MALSU1: variants seen among roughly 807,000 people sequenced by gnomAD.
The protein encoded by MALSU1 is mitochondrial assembly of ribosomal large subunit protein 1.
MALSU1 carries 22 observed loss-of-function variants against 22.1 expected under a neutral mutation model. That is an observed-to-expected ratio of 1.00 (90% CI 0.71 to 1.42). The LOEUF is 1.42. Ranked by LOEUF, MALSU1 falls within the 40% of genes most tolerant of loss-of-function variation. The probability of loss-of-function intolerance (pLI) is 0.00; values close to 1 mark genes in which losing one functional copy is unlikely to be tolerated. For missense variants in MALSU1, 379 were observed against 308.3 expected, an observed-to-expected ratio of 1.23 and a Z score of -1.72; for synonymous variants, 153 against 118.5, an observed-to-expected ratio of 1.29 and a Z score of -1.89.
chr7:23,302,451 C>T (rs1380374932), intron 2 of MALSU1, among the ~76,000 whole-genome samples: 3 of 152,130 alleles, frequency 2.0e-5, no homozygotes, highest in African/African-American at 7.2e-5. Flanking sequence ...GGGGCCTATA[C>T]ACAAAACCCT....
Position 23,309,688 on chromosome 7 carries a change from C to T in MALSU1, c.*145C>T. On this transcript the variant is annotated 3_prime_UTR_variant, in exon 4 of 4. Transcript: ENST00000466681. ...ATGGGCACTCCTGCTAACTGGCATG[C>T]AGAGACTGTCGATAAGTGAGCTATA... 1 of 566,418 alleles carries T rather than the reference C, an allele frequency of 1.8e-6. No homozygotes were observed. The highest frequency in any genetic ancestry group is 2.7e-5 in the South Asian group (1 of 36,818). The allele number at this position is 566,418 out of a possible 1,614,324, so 35.1% of individuals were successfully genotyped here.
chr7:23,300,841 C>G lies in MALSU1; in HGVS notation c.259C>G (p.His87Asp), dbSNP rs1486313156. The change falls in exon 2 of 4, where the codon CAT becomes GAT. Residue 87 changes from histidine to aspartate, a missense_variant and splice_region_variant. His to Asp is a moderately conservative substitution (Grantham distance 81). Transcript: ENST00000466681. ...EGRPESDAAD[H>D]TGPKFDIDMM... ...AAACAACTATTTGTGCATTTCAGAT[C>G]ATACTGGTCCCAAGTTTGACATCGA... 14 of 1,612,856 alleles carry G rather than the reference C, an allele frequency of 8.7e-6. No homozygotes were observed. Among genetic ancestry groups the G allele is most frequent in the Middle Eastern group, 1.6e-4 (1 of 6,078 alleles).
chr7:23,310,976 G>C lies in MALSU1; in HGVS notation c.*1433G>C, dbSNP rs1354301499. ...TGAGCAAATGAGTTCGTTATCAAAG[G>C]TCATATGTTTTCACAGTCATTCAAA... On this transcript the variant is annotated 3_prime_UTR_variant, in exon 4 of 4. Coordinates refer to ENST00000466681, the MANE Select transcript of MALSU1 (RefSeq NM_138446.2). The C allele has an allele frequency of 6.6e-6, 1 of 152,060 alleles. No homozygotes were observed. Among genetic ancestry groups the C allele is most frequent in the African/African-American group, 2.4e-5 (1 of 41,402 alleles). The allele number at this position is 152,060 out of a possible 1,614,324, so 9.4% of individuals were successfully genotyped here. A position where few individuals can be genotyped will look rare whatever the true frequency, so the allele number is the denominator to read the frequency against.
intron 2 of MALSU1, among the ~76,000 whole-genome samples, chr7:23,302,676 AAGAAAT>A (rs1238705366): frequency 3.9e-5 from 6 of 152,300 alleles, no homozygotes; most frequent in Non-Finnish European, 8.8e-5. Context: ...TGAAAGAATA[AAGAAAT>A]AGAAATTGCC....
At position 23,309,900 on chromosome 7, in the gene MALSU1, A is replaced by T. The variant is rs1275022678; in HGVS notation, c.*357A>T. ...CTGTTTGTTTAATGGAATGGCAAAA[A>T]TTTTAAAAAATAATATAAAACATAG... On this transcript the variant is annotated 3_prime_UTR_variant, in exon 4 of 4. Transcript: ENST00000466681. 1.3e-5 allele frequency: 2 copies of T among 155,376 alleles called. No homozygotes were observed. Among genetic ancestry groups the T allele is most frequent in the Non-Finnish European group, 2.8e-5 (2 of 70,292 alleles). The allele number at this position is 155,376 out of a possible 1,614,324, so 9.6% of individuals were successfully genotyped here. A position where few individuals can be genotyped will look rare whatever the true frequency, so the allele number is the denominator to read the frequency against.
chr7:23,299,382 G>C lies in MALSU1; in HGVS notation c.30G>C (p.Leu10=). ...GGCCGGGCGGCCGTGTGGCGCGGCT[G>C]CTCGCCCCACTAATGTGGCGCAGGG... MGPGGRVAR[L]LAPLMWRRAV... The change falls in exon 1 of 4, where the codon CTG becomes CTC. Residue 10 remains leucine, a synonymous_variant. Coordinates refer to ENST00000466681, the MANE Select transcript of MALSU1 (RefSeq NM_138446.2). 6.3e-7 allele frequency: 1 copy of C among 1,588,402 alleles called. No individual in the cohort carries two copies. Among genetic ancestry groups the C allele is most frequent in the East Asian group, 2.2e-5 (1 of 44,518 alleles).
intron 1 of MALSU1, among the ~76,000 whole-genome samples, chr7:23,299,841 T>C (rs149821): frequency 0.56 from 84,499 of 151,888 alleles, 23,572 homozygotes; most frequent in South Asian, 0.61. Context: ...CGGACGGCCA[T>C]CTCCCACCCT....
At position 23,309,439 on chromosome 7, in the gene MALSU1, G is replaced by A; in HGVS notation, c.601G>A (p.Asp201Asn). Residue 201 changes from aspartate to asparagine, a missense_variant, in exon 4 of 4, where the codon GAC (aspartate) becomes AAC (asparagine). Physicochemically the swap from Asp to Asn is conservative, Grantham distance 23 (BLOSUM62 1). Transcript: ENST00000466681. ...EKLWTLRSYDDQLAQIAPETV... is the reference protein window; with the variant it reads ...EKLWTLRSYDNQLAQIAPETV... Reference sequence around the variant, plus strand: ...ATTATGGACCCTACGTTCTTATGATGACCAGTTAGCTCAGATAGCACCTGA... The same window carrying A: ...ATTATGGACCCTACGTTCTTATGATAACCAGTTAGCTCAGATAGCACCTGA... 4 of 1,613,614 alleles carry A rather than the reference G, an allele frequency of 2.5e-6. No individual in the cohort carries two copies. Among genetic ancestry groups the A allele is most frequent in the Non-Finnish European group, 2.5e-6 (3 of 1,179,774 alleles).
intron 2 of MALSU1, among the ~76,000 whole-genome samples, chr7:23,306,281 A>G (rs374714204): frequency 9.9e-4 from 150 of 152,192 alleles, no homozygotes; most frequent in African/African-American, 3.4e-3. Flanking sequence ...GCTCATTGTT[A>G]GTGTATAGAA....
chr7:23,307,922 ACT>A lies in MALSU1; in HGVS notation c.491_492del (p.Thr164ArgfsTer2). 1 of 1,613,988 alleles carries A rather than the reference ACT, an allele frequency of 6.2e-7. No homozygotes were observed. The highest frequency in any genetic ancestry group is 8.5e-7 in the Non-Finnish European group (1 of 1,179,824). ...DPHVKIEGKD[T>X]DDWLCVDFGS... ...TCATGTTAAGATAGAAGGGAAGGAC[ACT>A]GATGACTGGCTGTGCGTGGATTTTG... On this transcript the variant is annotated frameshift_variant, in exon 3 of 4. Coordinates refer to ENST00000466681, the MANE Select transcript of MALSU1 (RefSeq NM_138446.2). LOFTEE classifies it high-confidence loss of function.
chr7:23,306,698 A>AT (rs1430429790), intron 2 of MALSU1, among the ~76,000 whole-genome samples: 19 of 151,962 alleles, frequency 1.3e-4, no homozygotes, highest in Non-Finnish European at 7.4e-5. Flanking sequence ...TATCATATAG[A>AT]TTTTTTCTTC....
intron 3 of MALSU1, among the ~76,000 whole-genome samples, chr7:23,308,181 A>AAGAT (rs1783748459): frequency 6.6e-6 from 1 of 152,212 alleles, no homozygotes; most frequent in South Asian, 2.1e-4. Flanking sequence ...CTCCTGGAGG[A>AAGAT]AGATATATAC....
At chr7:23,303,658 A>C (rs1783686674) in intron 2 of MALSU1, among the ~76,000 whole-genome samples, 1 of 151,636 alleles carries the variant, frequency 6.6e-6, no homozygotes, top group East Asian at 2.0e-4. Context: ...ATAAAATAAA[A>C]AATTGGCTGG....
chr7:23,301,129 A>C (rs977754246), intron 2 of MALSU1, 112 bp downstream of exon 2: 8 of 996,722 alleles, frequency 8.0e-6, no homozygotes, highest in Admixed American at 7.2e-5. Flanking sequence ...GTTACAGAAG[A>C]AGCCCAAATT....
chr7:23,306,847 G>C (rs1256814901), intron 2 of MALSU1, among the ~76,000 whole-genome samples: 1 of 152,102 alleles, frequency 6.6e-6, no homozygotes, highest in Admixed American at 6.6e-5. Flanking sequence ...TATTTTTGTT[G>C]AGGATTTTTG....
At chr7:23,299,790 G>T (rs552521411) in intron 1 of MALSU1, among the ~76,000 whole-genome samples, 182 bp downstream of exon 1, 8 of 152,316 alleles carry the variant, frequency 5.3e-5, no homozygotes, top group East Asian at 3.9e-4. Context: ...TCACAGTGAA[G>T]AAATTGAGGG....
intron 2 of MALSU1, among the ~76,000 whole-genome samples, chr7:23,306,730 TG>T (rs1783727562): frequency 6.6e-6 from 1 of 152,266 alleles, no homozygotes; most frequent in Admixed American, 6.5e-5. Flanking sequence ...GTGGTGTTAT[TG>T]CATTGATCCG....
intron 2 of MALSU1, among the ~76,000 whole-genome samples, chr7:23,304,042 G>A (rs1051085778): frequency 6.6e-6 from 1 of 151,786 alleles, no homozygotes; most frequent in Non-Finnish European, 1.5e-5. Context: ...GGAGGTGGAG[G>A]TTGCAGTGAG....
chr7:23,305,360 T>G (rs1022615109), intron 2 of MALSU1, among the ~76,000 whole-genome samples: 4 of 152,160 alleles, frequency 2.6e-5, no homozygotes, highest in African/African-American at 9.7e-5. Flanking sequence ...CAAGATTGTT[T>G]TGGCTATTTG....
Sources: allele counts gnomAD v4.1 joint callset (sites outside exome capture counted in the v4.1 genomes callset), GRCh38; gene constraint gnomAD v4.1.1; transcripts MANE v1.5; gene names NCBI Gene and HGNC (gene_info 2026-07-23, HGNC 2026-07-21).